The following SPATA13 variants were observed in gnomAD, a reference collection of about 807,000 sequenced individuals.
The protein encoded by SPATA13 is spermatogenesis-associated protein 13.
A neutral mutation model predicts 104.0 loss-of-function variants in SPATA13; 50 were observed. That is an observed-to-expected ratio of 0.48 (90% CI 0.38 to 0.61). SPATA13 has a LOEUF of 0.61. Among genes scored for constraint, SPATA13 ranks in the 20% least tolerant of loss-of-function variants. The pLI, the probability that SPATA13 is intolerant of heterozygous loss-of-function variation, is 0.00. For missense variants in SPATA13, 1,524 were observed against 1,690.6 expected, an observed-to-expected ratio of 0.90 and a Z score of 1.73; for synonymous variants, 606 against 667.5, an observed-to-expected ratio of 0.91 and a Z score of 1.42.
rs1879796302 is a variant in SPATA13 at position 24,088,207 on chromosome 13, G to T, written c.-112+70506G>T. Reference sequence around the variant, plus strand: ...GCAGACAGGGAACTGGCGTGTTAATGCTCCCTAGGCAGCACTGGATGCCCA... The same window carrying T: ...GCAGACAGGGAACTGGCGTGTTAATTCTCCCTAGGCAGCACTGGATGCCCA... On this transcript the variant is annotated intron_variant, in intron 3 of 14. Transcript: ENST00000424834. This position sits in a 1 kb window ranked among gnomAD's most constrained non-coding sequence, Gnocchi z 4.3. Among the ~76,000 whole-genome samples the T allele has an allele frequency of 6.6e-6, 1 of 152,158 alleles. No homozygotes were observed. Among genetic ancestry groups the T allele is most frequent in the Non-Finnish European group, 1.5e-5 (1 of 68,038 alleles).
intron 3 of SPATA13, among the ~76,000 whole-genome samples, chr13:24,129,005 A>G (rs1484792952): frequency 1.3e-5 from 2 of 152,214 alleles, no homozygotes; most frequent in African/African-American, 4.8e-5. Flanking sequence ...GACAAACTCT[A>G]CACCGGGGTA....
At chr13:24,175,317 AACTTGAAATC>A (rs1319825927) in intron 1 of SPATA13, among the ~76,000 whole-genome samples, 14 of 152,212 alleles carry the variant, frequency 9.2e-5, no homozygotes, top group African/African-American at 3.4e-4. Flanking sequence ...GATAGCAGAT[AACTTGAAATC>A]ATAGTGCCTA....
At chr13:24,001,480 A>T (rs1472871145) in intron 2 of SPATA13, among the ~76,000 whole-genome samples, 1 of 151,836 alleles carries the variant, frequency 6.6e-6, no homozygotes, top group East Asian at 1.9e-4. Flanking sequence ...GATTGCGTTA[A>T]GGAGTGGCGG....
At chr13:24,134,831 G>A (rs941564866) in intron 3 of SPATA13, among the ~76,000 whole-genome samples, 5 of 152,160 alleles carry the variant, frequency 3.3e-5, no homozygotes, top group African/African-American at 1.2e-4. Context: ...TTTGCATGTT[G>A]AAGTCCTAAT....
Position 24,264,978 on chromosome 13 carries a change from G to A in SPATA13, c.2164+13116G>A, listed in dbSNP as rs546703575. 6.6e-5 allele frequency among the ~76,000 whole-genome samples: 10 copies of A among 152,332 alleles called. 1 individual carries two copies. The highest frequency in any genetic ancestry group is 5.9e-4 in the Admixed American group (9 of 15,302). ...AATGATGAAGGGGTTCATTGAAGCC[G>A]CTGAGAGCACATATTCGCTGGTTTT... On this transcript the variant is annotated intron_variant, in intron 4 of 12. Transcript: ENST00000382108.
intron 2 of SPATA13, among the ~76,000 whole-genome samples, chr13:24,234,764 T>C (rs555968604): frequency 3.0e-4 from 46 of 152,146 alleles, no homozygotes; most frequent in Non-Finnish European, 6.0e-4. Context: ...CACAGCTGCT[T>C]GCTGCCCTGC....
chr13:24,290,898 G>T lies in SPATA13; in HGVS notation c.3080+14G>T. On this transcript the variant is annotated intron_variant, in intron 9 of 12. Transcript: ENST00000382108. Reference sequence around the variant, plus strand: ...ACAGGAACACGGGTGAGGGGCATGGGTAAGGGGCACAGGTGAGAGCACTGC... The same window carrying T: ...ACAGGAACACGGGTGAGGGGCATGGTTAAGGGGCACAGGTGAGAGCACTGC... 1 of 1,606,832 alleles carries T rather than the reference G, an allele frequency of 6.2e-7. No individual in the cohort carries two copies. The highest frequency in any genetic ancestry group is 8.5e-7 in the Non-Finnish European group (1 of 1,174,204).
At chr13:24,105,608 C>T (rs777985796) in intron 3 of SPATA13, among the ~76,000 whole-genome samples, 2 of 151,942 alleles carry the variant, frequency 1.3e-5, no homozygotes, top group Non-Finnish European at 2.9e-5. Flanking sequence ...AATAGGCCTA[C>T]GGAGGATGTG....
At chr13:24,045,514 C>T (rs1486148264) in intron 3 of SPATA13, among the ~76,000 whole-genome samples, 4 of 152,110 alleles carry the variant, frequency 2.6e-5, no homozygotes, top group Admixed American at 6.5e-5. Flanking sequence ...ACATAATACA[C>T]GTTTTTTAAA....
At position 24,215,198 on chromosome 13, in the gene SPATA13, A is replaced by C. The variant is rs138946560; in HGVS notation, c.-111-7621A>C. 7.6e-3 allele frequency among the ~76,000 whole-genome samples: 1,163 copies of C among 152,336 alleles called. 12 individuals carry two copies. The highest frequency in any genetic ancestry group is 0.027 in the African/African-American group (1,122 of 41,574). ...TCTGGCTTGGTTCATTGGTGGCATCATGTCACATGACTGTCGTGCATGTCC... is the reference window on the plus strand; with the variant it reads ...TCTGGCTTGGTTCATTGGTGGCATCCTGTCACATGACTGTCGTGCATGTCC... On this transcript the variant is annotated intron_variant, in intron 1 of 12. Transcript: ENST00000382108.
chr13:24,299,862 C>A (rs548274834), intron 11 of SPATA13, among the ~76,000 whole-genome samples: 52 of 152,232 alleles, frequency 3.4e-4, no homozygotes, highest in Non-Finnish European at 6.8e-4. Context: ...AGTTCACACA[C>A]TGCACACGTA....
chr13:24,223,146 G>A lies in SPATA13; in HGVS notation c.217G>A (p.Val73Met). 6.4e-7 allele frequency: 1 copy of A among 1,551,718 alleles called. No individual in the cohort carries two copies. Among genetic ancestry groups the A allele is most frequent in the Non-Finnish European group, 8.7e-7 (1 of 1,147,012 alleles). ...QEAKLSPAKL[V>M]RLFSTSRKRT... ...AGCCAAACTCAGCCCAGCCAAGCTT[G>A]TGCGCCTCTTTTCCACCAGTCGGAA... is the stretch of plus-strand genomic sequence containing the variant. The change falls in exon 2 of 13, where the codon GTG (valine) becomes ATG (methionine). Residue 73 changes from valine (V) to methionine (M), a missense_variant. Val to Met is a conservative substitution (Grantham distance 21, BLOSUM62 1). This residue lies in a region of SPATA13 where 1,089 missense variants were observed against 1,135.9 expected (regional missense o/e 0.96). Transcript: ENST00000382108.
At chr13:24,183,908 G>A (rs527574334) in intron 1 of SPATA13, among the ~76,000 whole-genome samples, 6 of 152,140 alleles carry the variant, frequency 3.9e-5, no homozygotes, top group South Asian at 4.1e-4. Context: ...CAGACACAGC[G>A]TCACATGGTG....
intron 4 of SPATA13, among the ~76,000 whole-genome samples, chr13:24,277,764 G>A (rs1463445263): frequency 6.6e-5 from 10 of 152,198 alleles, no homozygotes; most frequent in Non-Finnish European, 1.2e-4. Flanking sequence ...TCAAACGTCT[G>A]TCCTTTCCTT....
intron 1 of SPATA13, chr13:23,983,655 T>G (rs1201927238): frequency 6.7e-6 from 1 of 148,524 alleles, no homozygotes; most frequent in Admixed American, 6.8e-5. Flanking sequence ...GTTTTTTTTT[T>G]TTAAAAAACA....
chr13:24,121,364 C>T (rs1881025554), intron 3 of SPATA13, among the ~76,000 whole-genome samples: 1 of 152,182 alleles, frequency 6.6e-6, no homozygotes, highest in Admixed American at 6.5e-5. Flanking sequence ...TGAAATTACC[C>T]TTGCCTCACA....
At chr13:24,055,966 A>C (rs1247102470) in intron 3 of SPATA13, among the ~76,000 whole-genome samples, 2 of 152,218 alleles carry the variant, frequency 1.3e-5, no homozygotes, top group Non-Finnish European at 2.9e-5. Flanking sequence ...TGATGCAAGG[A>C]GACATGAGGA....
At chr13:24,094,198 C>T (rs1879996811) in intron 3 of SPATA13, among the ~76,000 whole-genome samples, 3 of 152,188 alleles carry the variant, frequency 2.0e-5, no homozygotes, top group South Asian at 4.1e-4. Flanking sequence ...TGCAGCTTGG[C>T]AGCACAAAAA....
chr13:24,101,705 C>T (rs931150626), intron 3 of SPATA13, among the ~76,000 whole-genome samples: 20 of 152,178 alleles, frequency 1.3e-4, no homozygotes, highest in African/African-American at 4.8e-4. Flanking sequence ...AGTGGAATCA[C>T]GCACCTATAT....
Sources: gnomAD v4.1 joint callset for allele counts (sites outside exome capture counted in the v4.1 genomes callset) on GRCh38, gnomAD v4.1.1 for gene constraint, gnomAD v4.1.1 regional missense constraint, Gnocchi (gnomAD v3.1) non-coding constraint, MANE v1.5 for transcripts, NCBI Gene and HGNC (gene_info 2026-07-23, HGNC 2026-07-21) for gene names.